Variants in GPRC5C observed in about 807,000 individuals in gnomAD.
GPRC5C encodes G protein-coupled receptor class C group 5 member C.
GPRC5C carries 22 observed loss-of-function variants against 31.4 expected under a neutral mutation model. The ratio of observed to expected loss-of-function variants is 0.70; its 90% CI spans 0.50 to 1.00. GPRC5C has a LOEUF of 1.00. GPRC5C is among the 50% of genes least tolerant of loss of function. The pLI, the probability that GPRC5C is intolerant of heterozygous loss-of-function variation, is 0.00. For missense variants in GPRC5C, 557 were observed against 597.2 expected (o/e 0.93, Z 0.70); for synonymous variants, 249 against 257.5 (o/e 0.97, Z 0.32).
intron 2 of GPRC5C, among the ~76,000 whole-genome samples, chr17:74,441,182 C>T (rs959853704): frequency 6.6e-5 from 10 of 151,714 alleles, no homozygotes; most frequent in African/African-American, 2.2e-4. Context: ...GAGGCTGAGG[C>T]GGGAGAATCA....
In GPRC5C at chr17:74,440,512, C is replaced by A; in HGVS notation, c.736C>A (p.Leu246Ile). ...KRWRKHGVFV[L>I]LTTATSVAIW... ...CTGGCGTAAGCATGGGGTCTTTGTG[C>A]TCCTCACCACAGCCACCTCCGTTGC... Residue 246 changes from leucine (L) to isoleucine (I), a missense_variant, in exon 2 of 4, where the codon CTC (leucine) becomes ATC (isoleucine). Coordinates refer to ENST00000392627, the MANE Select transcript of GPRC5C (RefSeq NM_022036.4). This position sits in a 1 kb window ranked among gnomAD's most constrained non-coding sequence, Gnocchi z 4.4. The A allele has an allele frequency of 6.2e-7, 1 of 1,614,158 alleles. No individual in the cohort carries two copies. The highest frequency in any genetic ancestry group is 8.5e-7 in the Non-Finnish European group (1 of 1,180,020).
At position 74,433,757 on chromosome 17, in the gene GPRC5C, G is replaced by A. The variant is rs1413355058; in HGVS notation, c.-33+1616G>A. 1.9e-6 allele frequency: 3 copies of A among 1,611,730 alleles called. No individual in the cohort carries two copies. The African/African-American group carries it at 4.0e-5, about 22-fold the overall frequency. The stretch of plus-strand genomic sequence containing the variant: ...CCCTTGAAGACAGCCATTGGCCATG[G>A]GTCAGTGTTGAGTTTGGTTGGCCCT... On this transcript the variant is annotated intron_variant, in intron 1 of 3. Coordinates refer to ENST00000392627, the MANE Select transcript of GPRC5C (RefSeq NM_022036.4).
At position 74,440,490 on chromosome 17, in the gene GPRC5C, G is replaced by A; in HGVS notation, c.714G>A (p.Trp238Ter). 1 of 1,614,148 alleles carries A rather than the reference G, an allele frequency of 6.2e-7. No homozygotes were observed. Among genetic ancestry groups the A allele is most frequent in the Non-Finnish European group, 8.5e-7 (1 of 1,180,040 alleles). ...CCCTGTGTGGCCGCTACAAGCGCTG[G>A]CGTAAGCATGGGGTCTTTGTGCTCC... ...WPALCGRYKR[W>*]RKHGVFVLLT... is the part of the protein sequence containing the mutation. Residue 238 changes from tryptophan to a stop codon, truncating the protein, a stop_gained, in exon 2 of 4, where the codon TGG becomes TGA. Coordinates refer to ENST00000392627, the MANE Select transcript of GPRC5C (RefSeq NM_022036.4). LOFTEE classifies it high-confidence loss of function. This position sits in a 1 kb window ranked among gnomAD's most constrained non-coding sequence, Gnocchi z 4.4.
intron 1 of GPRC5C, among the ~76,000 whole-genome samples, chr17:74,437,268 C>G (rs72852293): frequency 3.3e-5 from 5 of 152,120 alleles, no homozygotes; most frequent in Non-Finnish European, 4.4e-5. Flanking sequence ...ACTCCTCTTT[C>G]CAGCACTTGT....
rs1253964801 is a variant in GPRC5C, at chr17:74,432,149, G to C, written c.-33+8G>C. 1.9e-6 allele frequency: 3 copies of C among 1,609,802 alleles called. No individual in the cohort carries two copies. The highest frequency in any genetic ancestry group is 2.5e-6 in the Non-Finnish European group (3 of 1,178,300). Reference sequence around the variant, plus strand: ...AGTCGGCTCAGCCTGGAGGTGAGTCGGGGCGGGGAGGGCCGGGCAGGCTTT... The same window carrying C: ...AGTCGGCTCAGCCTGGAGGTGAGTCCGGGCGGGGAGGGCCGGGCAGGCTTT... On this transcript the variant is annotated splice_region_variant and intron_variant, in intron 1 of 3. Transcript: ENST00000392627.
chr17:74,446,716 G>A lies in GPRC5C; in HGVS notation c.1147-133G>A, dbSNP rs893583765. On this transcript the variant is annotated intron_variant, in intron 3 of 3. Transcript: ENST00000392627. ...AGGCTGCTCCTGGGGCCCAGCCAGAGGGGGCAGAGGAGCCGAGGGGGGAGT... is the reference window on the plus strand; with the variant it reads ...AGGCTGCTCCTGGGGCCCAGCCAGAAGGGGCAGAGGAGCCGAGGGGGGAGT... 30 of 698,524 alleles carry A rather than the reference G, an allele frequency of 4.3e-5. No individual in the cohort carries two copies. The African/African-American group carries it at 5.2e-4, about 12-fold the overall frequency. The allele number at this position is 698,524 out of a possible 1,614,324, so 43.3% of individuals were successfully genotyped here.
intron 1 of GPRC5C, among the ~76,000 whole-genome samples, chr17:74,435,692 A>T (rs897962813): frequency 6.6e-6 from 1 of 152,222 alleles, no homozygotes; most frequent in Admixed American, 6.5e-5. Flanking sequence ...GTGGGGGCTT[A>T]GGGACAGAGA....
Position 74,440,145 on chromosome 17 carries a change from T to C in GPRC5C, c.369T>C (p.Phe123=). The change falls in exon 2 of 4, where the codon TTT becomes TTC. Residue 123 remains phenylalanine, a synonymous_variant. Coordinates refer to ENST00000392627, the MANE Select transcript of GPRC5C (RefSeq NM_022036.4). The surrounding 1 kb of genome is among the most constrained non-coding windows in gnomAD (Gnocchi z 4.4). ...CCTGTGCCTCTCGGCGCTTCCTCTT[T>C]GGGGTTCTGTTCGCCATCTGCTTCT... is the stretch of plus-strand genomic sequence containing the variant. ...FSTCASRRFL[F]GVLFAICFSC... The C allele has an allele frequency of 6.2e-7, 1 of 1,614,178 alleles. No homozygotes were observed.
intron 3 of GPRC5C, 134 bp from the exon 4 acceptor site, chr17:74,446,703 GGGCCCAGCCAGA>G (rs1326437556): frequency 1.5e-6 from 1 of 645,342 alleles, no homozygotes; most frequent in Admixed American, 2.9e-5. Context: ...GCTGCTCCTG[GGGCCCAGCCAGA>G]GGGGGCAGAG....
chr17:74,444,774 T>G (rs1010726527), intron 3 of GPRC5C, among the ~76,000 whole-genome samples: 2 of 151,934 alleles, frequency 1.3e-5, no homozygotes, highest in Non-Finnish European at 2.9e-5. Flanking sequence ...TGGCGGGGAG[T>G]GGGCAGCCAC....
Position 74,439,750 on chromosome 17 carries a change from C to T in GPRC5C, c.-27C>T, listed in dbSNP as rs1387324614. The T allele has an allele frequency of 6.2e-7, 1 of 1,604,508 alleles. No individual in the cohort carries two copies. The highest frequency in any genetic ancestry group is 1.7e-5 in the Admixed American group (1 of 59,108). ...CCTTTTCCTTCTGTCTCTAGGGACC[C>T]AACCAGAGCCTGGCCTGGGAGCCAG... is the stretch of plus-strand genomic sequence containing the variant. On this transcript the variant is annotated 5_prime_UTR_variant, in exon 2 of 4. Transcript: ENST00000392627.
rs144073326 is a variant in GPRC5C, at chr17:74,446,964, C to A, written c.1262C>A (p.Ala421Glu). ...EDMYSAQSHQ[A>E]ATPPKDGKNS... Reference sequence around the variant, plus strand: ...ATGTACTCGGCCCAGAGCCACCAGGCGGCCACACCGCCGAAAGACGGCAAG... The same window carrying A: ...ATGTACTCGGCCCAGAGCCACCAGGAGGCCACACCGCCGAAAGACGGCAAG... Residue 421 changes from alanine (A) to glutamate (E), a missense_variant, in exon 4 of 4, where the codon GCG (alanine) becomes GAG (glutamate). By Grantham distance (107) the Ala-to-Glu change is moderately radical. Transcript: ENST00000392627. 8 of 1,614,140 alleles carry A rather than the reference C, an allele frequency of 5.0e-6. No homozygotes were observed. The highest frequency in any genetic ancestry group is 6.8e-6 in the Non-Finnish European group (8 of 1,179,970).
intron 2 of GPRC5C, chr17:74,443,560 GT>G (rs1347690632): frequency 2.4e-5 from 15 of 633,358 alleles, no homozygotes; most frequent in Non-Finnish European, 2.6e-5. Flanking sequence ...AGGGGCTGGG[GT>G]GTCTACAGTG....
chr17:74,451,151 C>T (rs912222459), downstream of GPRC5C: 2 of 152,190 alleles, frequency 1.3e-5, no homozygotes, highest in African/African-American at 4.8e-5. Context: ...TCACGCTGCC[C>T]TTGGTCTAGC....
chr17:74,440,548 G>T lies in GPRC5C; in HGVS notation c.772G>T (p.Val258Leu). The T allele has an allele frequency of 1.9e-6, 3 of 1,614,210 alleles. No individual in the cohort carries two copies. Among genetic ancestry groups the T allele is most frequent in the Non-Finnish European group, 2.5e-6 (3 of 1,180,030 alleles). Residue 258 changes from valine to leucine, a missense_variant, in exon 2 of 4, where the codon GTG becomes TTG. Val to Leu is a conservative substitution (Grantham distance 32). Transcript: ENST00000392627. This position sits in a 1 kb window ranked among gnomAD's most constrained non-coding sequence, Gnocchi z 4.4. ...AGCCACCTCCGTTGCCATATGGGTG[G>T]TGTGGATCGTCATGTATACTTACGG... Reference protein sequence around the residue: ...TTATSVAIWVVWIVMYTYGNK... With the variant: ...TTATSVAIWVLWIVMYTYGNK...
chr17:74,449,001 C>A, downstream of GPRC5C: 1 of 867,690 alleles, frequency 1.2e-6, no homozygotes, highest in Non-Finnish European at 1.6e-6. Flanking sequence ...AAGACTTTGC[C>A]AGGGGGCTGC....
chr17:74,435,725 A>G (rs552209865), intron 1 of GPRC5C, among the ~76,000 whole-genome samples: 68 of 152,352 alleles, frequency 4.5e-4, no homozygotes, highest in African/African-American at 1.6e-3. Context: ...TCCTGACCCT[A>G]GCCCAAGTGC....
Position 74,440,590 on chromosome 17 carries a change from A to C in GPRC5C, c.814A>C (p.Ser272Arg), listed in dbSNP as rs2055518123. ...TACTTACGGCAACAAGCAGCACAAC[A>C]GTCCCACCTGGGATGACCCCACGCT... Reference protein sequence around the residue: ...MYTYGNKQHNSPTWDDPTLAI... With the variant: ...MYTYGNKQHNRPTWDDPTLAI... The change falls in exon 2 of 4, where the codon AGT becomes CGT. Residue 272 changes from serine to arginine, a missense_variant. Transcript: ENST00000392627. This position sits in a 1 kb window ranked among gnomAD's most constrained non-coding sequence, Gnocchi z 4.4. The C allele has an allele frequency of 6.2e-7, 1 of 1,614,052 alleles. No individual in the cohort carries two copies. Among genetic ancestry groups the C allele is most frequent in the African/African-American group, 1.3e-5 (1 of 75,052 alleles).
downstream of GPRC5C, chr17:74,450,149 C>G (rs1394985782): frequency 1.3e-5 from 2 of 152,330 alleles, no homozygotes; most frequent in African/African-American, 2.4e-5. Context: ...GAGGGCAGCT[C>G]TCTCCATCCA....
Sources: allele counts gnomAD v4.1 joint callset (sites outside exome capture counted in the v4.1 genomes callset), GRCh38; gene constraint gnomAD v4.1.1; non-coding constraint Gnocchi (gnomAD v3.1); transcripts MANE v1.5; gene names NCBI Gene and HGNC (gene_info 2026-07-23, HGNC 2026-07-21).